The following GRID2 variants were observed in gnomAD, a reference collection of about 807,000 sequenced individuals.
GRID2 encodes glutamate ionotropic receptor delta type subunit 2.
Under a neutral mutation model 114.8 loss-of-function variants are expected in GRID2, and 33 were observed. The observed-to-expected ratio is 0.29, with a 90% confidence interval of 0.22 to 0.38. The LOEUF is 0.38. Ranked by LOEUF, GRID2 falls within the 10% of genes least tolerant of loss-of-function variation. The pLI, the probability that GRID2 is intolerant of heterozygous loss-of-function variation, is 1.00. For synonymous variants in GRID2, 505 were observed against 449.9 expected, an observed-to-expected ratio of 1.12 and a Z score of -1.55; for missense variants, 1,184 against 1,257.7, an observed-to-expected ratio of 0.94 and a Z score of 0.89.
intron 2 of GRID2, among the ~76,000 whole-genome samples, chr4:92,944,953 G>C (rs903906288): frequency 2.6e-5 from 4 of 152,056 alleles, no homozygotes; most frequent in Non-Finnish European, 4.4e-5. Context: ...TTCCAAATAT[G>C]TCATATTTGC....
intron 3 of GRID2, among the ~76,000 whole-genome samples, chr4:93,101,562 G>A (rs1470697734): frequency 6.6e-6 from 1 of 151,952 alleles, no homozygotes; most frequent in African/African-American, 2.4e-5. Context: ...CTGATTAAAA[G>A]CCTTTTTTGG....
intron 14 of GRID2, among the ~76,000 whole-genome samples, chr4:93,729,453 A>G (rs1406670611): frequency 6.6e-6 from 1 of 152,090 alleles, no homozygotes; most frequent in Non-Finnish European, 1.5e-5. Flanking sequence ...GTCTTCTTCA[A>G]TACTATTTCT....
intron 14 of GRID2, among the ~76,000 whole-genome samples, chr4:93,650,767 GA>G (rs1178068617): frequency 6.6e-6 from 1 of 152,058 alleles, no homozygotes; most frequent in Non-Finnish European, 1.5e-5. Flanking sequence ...AAATAAATGA[GA>G]AAATTAACCT....
intron 14 of GRID2, among the ~76,000 whole-genome samples, chr4:93,647,079 A>G (rs1722176740): frequency 6.6e-6 from 1 of 152,184 alleles, no homozygotes; most frequent in African/African-American, 2.4e-5. Flanking sequence ...GGTACTTATG[A>G]AAGATTTCTG....
chr4:93,582,193 G>T (rs1305048919), intron 13 of GRID2, among the ~76,000 whole-genome samples: 1 of 151,994 alleles, frequency 6.6e-6, no homozygotes, highest in African/African-American at 2.4e-5. Context: ...GTCTTTTTCA[G>T]CTCCTACAAG....
At chr4:92,533,721 T>C (rs1165872336) in intron 1 of GRID2, among the ~76,000 whole-genome samples, 1 of 152,152 alleles carries the variant, frequency 6.6e-6, no homozygotes, top group Non-Finnish European at 1.5e-5. Flanking sequence ...ATGGTAGTGT[T>C]GCCTTTTAGG....
At chr4:92,810,402 A>G (rs1740613524) in intron 2 of GRID2, among the ~76,000 whole-genome samples, 1 of 152,056 alleles carries the variant, frequency 6.6e-6, no homozygotes, top group African/African-American at 2.4e-5. Context: ...TGACAGTTGC[A>G]CTAAAATCCT....
intron 4 of GRID2, among the ~76,000 whole-genome samples, chr4:93,172,109 C>T (rs1738884046): frequency 6.6e-6 from 1 of 152,164 alleles, no homozygotes. Context: ...TTCATCTTCA[C>T]CTACAAGTTT....
intron 1 of GRID2, among the ~76,000 whole-genome samples, chr4:92,465,162 G>T (rs1221073149): frequency 6.6e-6 from 1 of 151,938 alleles, no homozygotes; most frequent in Non-Finnish European, 1.5e-5. Context: ...TTATAGCAGT[G>T]TGAGAATAGA....
chr4:93,009,917 C>A (rs536496878), intron 2 of GRID2, among the ~76,000 whole-genome samples: 1 of 152,014 alleles, frequency 6.6e-6, no homozygotes, highest in Non-Finnish European at 1.5e-5. Context: ...AAGTGCTTTA[C>A]CTTTAGTTTT....
At chr4:92,964,872 A>G (rs1223729898) in intron 2 of GRID2, among the ~76,000 whole-genome samples, 2 of 152,024 alleles carry the variant, frequency 1.3e-5, no homozygotes, top group African/African-American at 4.8e-5. Flanking sequence ...TATCAGCAAA[A>G]AAGACTTCTT....
intron 2 of GRID2, among the ~76,000 whole-genome samples, chr4:92,943,163 GT>G (rs1751311153): frequency 6.6e-6 from 1 of 152,172 alleles, no homozygotes; most frequent in South Asian, 2.1e-4. Flanking sequence ...CCTGCAGGGT[GT>G]TTTCCAGCTG....
rs1266979750 is a variant in GRID2, at chr4:93,790,344, A to G, written c.222-16371A>G. On this transcript the variant is annotated intron_variant, in intron 1 of 1. Transcript: ENST00000637838. ...ACAATAAAATGAGCATGACTAATTC[A>G]ATATATCTACAATGATTACTTAGAA... Among the ~76,000 whole-genome samples the G allele has an allele frequency of 3.3e-5, 5 of 152,312 alleles. No individual in the cohort carries two copies. The East Asian group carries it at 5.8e-4, about 18-fold the overall frequency.
intron 1 of GRID2, among the ~76,000 whole-genome samples, chr4:92,514,449 AT>A (rs1350938516): frequency 6.6e-6 from 1 of 151,866 alleles, no homozygotes. Flanking sequence ...AGTTTTTAAG[AT>A]ATTTTACATT....
intron 1 of GRID2, among the ~76,000 whole-genome samples, chr4:92,441,769 C>T (rs1290771174): frequency 3.8e-4 from 57 of 148,394 alleles, no homozygotes; most frequent in Middle Eastern, 6.9e-3. Flanking sequence ...GGTGCATGAT[C>T]GGTCGCCAAG....
chr4:93,658,197 T>A (rs974899592), intron 14 of GRID2, among the ~76,000 whole-genome samples: 1 of 152,178 alleles, frequency 6.6e-6, no homozygotes, highest in Non-Finnish European at 1.5e-5. Context: ...GACTGACCTG[T>A]TGGACTAATT....
intron 1 of GRID2, among the ~76,000 whole-genome samples, chr4:93,801,945 A>G: frequency 6.6e-6 from 1 of 152,368 alleles, no homozygotes; most frequent in Admixed American, 6.5e-5. Flanking sequence ...TATAGCATAT[A>G]TCCCTTTAAA....
At chr4:92,817,073 C>A (rs185579605) in intron 2 of GRID2, among the ~76,000 whole-genome samples, 1 of 151,854 alleles carries the variant, frequency 6.6e-6, no homozygotes, top group African/African-American at 2.4e-5. Context: ...ATTCAGGGAC[C>A]CAGGAGTCAC....
At chr4:92,497,587 A>G (rs1303811091) in intron 1 of GRID2, among the ~76,000 whole-genome samples, 1 of 151,940 alleles carries the variant, frequency 6.6e-6, no homozygotes, top group African/African-American at 2.4e-5. Flanking sequence ...CATGTAAGAC[A>G]TCTTAAAATC....
Sources: gnomAD v4.1 joint callset for allele counts (sites outside exome capture counted in the v4.1 genomes callset) on GRCh38, gnomAD v4.1.1 for gene constraint, MANE v1.5 for transcripts, NCBI Gene and HGNC (gene_info 2026-07-23, HGNC 2026-07-21) for gene names.